SGCZ: variants seen among roughly 807,000 people sequenced by gnomAD.
SGCZ encodes sarcoglycan zeta.
A neutral mutation model predicts 41.3 loss-of-function variants in SGCZ; 40 were observed. The observed-to-expected ratio is 0.97, with a 90% CI of 0.75 to 1.26. The LOEUF (loss-of-function observed/expected upper bound fraction) is 1.26. Among genes scored for constraint, SGCZ ranks in the 50% most tolerant of loss-of-function variants. SGCZ has a pLI of 0.00. For missense variants in SGCZ, 552 were observed against 369.8 expected (o/e 1.49, Z -4.04); for synonymous variants, 206 against 137.5 (o/e 1.50, Z -3.49).
At chr8:14,362,732 C>T (rs1374794748) in intron 2 of SGCZ, among the ~76,000 whole-genome samples, 1 of 152,126 alleles carries the variant, frequency 6.6e-6, no homozygotes, top group Non-Finnish European at 1.5e-5. Flanking sequence ...GTGAGGTGAA[C>T]CAGTGCCTGA....
chr8:14,692,975 T>C (rs1430079662), intron 1 of SGCZ, among the ~76,000 whole-genome samples: 2 of 152,142 alleles, frequency 1.3e-5, no homozygotes, highest in Non-Finnish European at 2.9e-5. Flanking sequence ...TTACTGAAAA[T>C]ATTTTCAGAG....
chr8:15,232,297 G>A (rs913311813), intron 1 of SGCZ, among the ~76,000 whole-genome samples: 2 of 152,036 alleles, frequency 1.3e-5, no homozygotes, highest in Non-Finnish European at 2.9e-5. Context: ...CTATGATTTT[G>A]AGTTCATAAA....
chr8:14,423,009 C>CA (rs1402018532), intron 2 of SGCZ, among the ~76,000 whole-genome samples: 1 of 152,154 alleles, frequency 6.6e-6, no homozygotes, highest in Non-Finnish European at 1.5e-5. Context: ...GCCTGGGCAA[C>CA]AGTGTGAGAC....
chr8:15,015,558 G>A (rs1341760044), intron 1 of SGCZ, among the ~76,000 whole-genome samples: 4 of 151,278 alleles, frequency 2.6e-5, no homozygotes, highest in Non-Finnish European at 5.9e-5. Context: ...GTGATGGCAG[G>A]CACCTGTAGT....
intron 2 of SGCZ, among the ~76,000 whole-genome samples, chr8:14,363,398 T>C (rs1423714367): frequency 2.0e-5 from 3 of 152,290 alleles, no homozygotes; most frequent in Admixed American, 6.5e-5. Context: ...AACTACGATA[T>C]GGCACTATTT....
intron 2 of SGCZ, among the ~76,000 whole-genome samples, chr8:14,435,356 T>C (rs1800059447): frequency 6.6e-6 from 1 of 152,186 alleles, no homozygotes; most frequent in Non-Finnish European, 1.5e-5. Flanking sequence ...TAGCAGAATC[T>C]ATTGTTCCAG....
At chr8:14,505,437 T>C (rs968117150) in intron 2 of SGCZ, among the ~76,000 whole-genome samples, 1 of 152,138 alleles carries the variant, frequency 6.6e-6, no homozygotes, top group Non-Finnish European at 1.5e-5. Context: ...CAATCCATTG[T>C]TTCTTTTCTA....
intron 1 of SGCZ, among the ~76,000 whole-genome samples, chr8:15,203,519 T>C (rs993389972): frequency 6.6e-6 from 1 of 152,192 alleles, no homozygotes; most frequent in African/African-American, 2.4e-5. Flanking sequence ...AAGTAGCACA[T>C]TGATTCTTCA....
intron 1 of SGCZ, among the ~76,000 whole-genome samples, chr8:15,064,534 CAAAAAA>C (rs199980199): frequency 7.6e-6 from 1 of 132,078 alleles, no homozygotes; most frequent in African/African-American, 3.3e-5. Context: ...CCAGGCCTCT[CAAAAAA>C]AAAAAAAAAA....
chr8:14,180,473 G>T (rs910767321), intron 4 of SGCZ, among the ~76,000 whole-genome samples: 1 of 151,936 alleles, frequency 6.6e-6, no homozygotes, highest in Non-Finnish European at 1.5e-5. Context: ...TAGAAAGAAC[G>T]TATCCAACAC....
chr8:15,219,257 ATACTT>A (rs933908814), intron 1 of SGCZ, among the ~76,000 whole-genome samples: 44 of 152,286 alleles, frequency 2.9e-4, no homozygotes, highest in African/African-American at 9.9e-4. Flanking sequence ...TCATGATACT[ATACTT>A]TCCTTTCTCT....
intron 1 of SGCZ, among the ~76,000 whole-genome samples, chr8:14,987,765 G>C (rs1296859917): frequency 6.6e-6 from 1 of 151,886 alleles, no homozygotes; most frequent in Non-Finnish European, 1.5e-5. Context: ...AAGTTGTATT[G>C]CTTCATAATT....
At chr8:15,188,917 A>G (rs940795755) in intron 1 of SGCZ, among the ~76,000 whole-genome samples, 14 of 152,128 alleles carry the variant, frequency 9.2e-5, no homozygotes, top group Admixed American at 5.9e-4. Flanking sequence ...ACAAAATAAT[A>G]TGATAAAATC....
chr8:14,123,782 T>A (rs933839369), intron 5 of SGCZ, among the ~76,000 whole-genome samples: 2 of 152,134 alleles, frequency 1.3e-5, no homozygotes, highest in African/African-American at 4.8e-5. Context: ...CTGAAACCTG[T>A]GAATATGTCA....
At chr8:14,986,946 AAGG>A (rs1261253619) in intron 1 of SGCZ, among the ~76,000 whole-genome samples, 12 of 152,004 alleles carry the variant, frequency 7.9e-5, no homozygotes, top group East Asian at 3.8e-4. Flanking sequence ...GAAAAAATTA[AAGG>A]AGGAGAATAA....
At chr8:14,219,340 A>T (rs747832665) in intron 4 of SGCZ, among the ~76,000 whole-genome samples, 1 of 152,192 alleles carries the variant, frequency 6.6e-6, no homozygotes, top group Non-Finnish European at 1.5e-5. Flanking sequence ...TATGCTCAAC[A>T]AGTTGATGAG....
chr8:15,224,219 A>AT (rs1473193480), intron 1 of SGCZ, among the ~76,000 whole-genome samples: 3 of 152,192 alleles, frequency 2.0e-5, no homozygotes, highest in Non-Finnish European at 4.4e-5. Flanking sequence ...AACAGAGTAT[A>AT]TTTTTCTTCT....
chr8:14,833,321 A>T (rs1802593309), intron 1 of SGCZ, among the ~76,000 whole-genome samples: 1 of 152,250 alleles, frequency 6.6e-6, no homozygotes, highest in African/African-American at 2.4e-5. Context: ...TGTCAACTGG[A>T]AAGAAAAAAA....
At chr8:14,530,786 C>T (rs142029009) in intron 2 of SGCZ, among the ~76,000 whole-genome samples, 22 of 151,942 alleles carry the variant, frequency 1.4e-4, no homozygotes, top group Admixed American at 5.9e-4. Context: ...AGCTCAAGTC[C>T]GACATGAGCC....
Sources: allele counts gnomAD v4.1 joint callset (sites outside exome capture counted in the v4.1 genomes callset), GRCh38; gene constraint gnomAD v4.1.1; transcripts MANE v1.5; gene names NCBI Gene and HGNC (gene_info 2026-07-23, HGNC 2026-07-21).